The following MAP6 variants were observed in gnomAD, a reference collection of about 807,000 sequenced individuals.
MAP6 encodes the protein microtubule-associated protein 6.
A neutral mutation model predicts 42.4 loss-of-function variants in MAP6; 26 were observed. That is an observed-to-expected ratio of 0.61 (90% confidence interval 0.45 to 0.85). MAP6 has a LOEUF of 0.85. Ranked by LOEUF, MAP6 falls within the 40% of genes least tolerant of loss-of-function variation. The probability of loss-of-function intolerance (pLI) is 0.00; values close to 1 mark genes in which losing one functional copy is unlikely to be tolerated. For synonymous variants in MAP6, 418 were observed against 443.8 expected (o/e 0.94, Z 0.73); for missense variants, 966 against 1,099.0 (o/e 0.88, Z 1.71).
intron 1 of MAP6, among the ~76,000 whole-genome samples, chr11:75,656,722 A>G (rs1943755162): frequency 6.6e-6 from 1 of 152,006 alleles, no homozygotes; most frequent in Non-Finnish European, 1.5e-5. Flanking sequence ...TGTTGTCCTG[A>G]TCTTCTTTTC....
At chr11:75,603,560 G>A (rs1434264009) in intron 3 of MAP6, 7 of 973,272 alleles carry the variant, frequency 7.2e-6, no homozygotes, top group Non-Finnish European at 8.5e-6. Flanking sequence ...TAAAGCCTTG[G>A]GTGAGGGTAG....
intron 1 of MAP6, among the ~76,000 whole-genome samples, chr11:75,636,605 C>A (rs1943373362): frequency 6.6e-6 from 1 of 152,056 alleles, no homozygotes; most frequent in Admixed American, 6.6e-5. Context: ...ATATGCAAAC[C>A]AACCCAATAA....
chr11:75,663,151 T>A (rs891915044), intron 1 of MAP6, among the ~76,000 whole-genome samples: 2 of 151,822 alleles, frequency 1.3e-5, no homozygotes, highest in African/African-American at 4.8e-5. Flanking sequence ...TTAGTACAAT[T>A]TTTTGTATTT....
At chr11:75,630,008 G>C (rs935246076) in intron 1 of MAP6, among the ~76,000 whole-genome samples, 21 of 152,204 alleles carry the variant, frequency 1.4e-4, no homozygotes, top group Non-Finnish European at 2.9e-4. Flanking sequence ...AGAGAAGAAT[G>C]CTTGATAAAA....
intron 1 of MAP6, among the ~76,000 whole-genome samples, chr11:75,652,261 G>T (rs1050789491): frequency 1.2e-4 from 18 of 152,066 alleles, no homozygotes; most frequent in Non-Finnish European, 2.5e-4. Flanking sequence ...GCCCACCACT[G>T]GTCTAGACTA....
At chr11:75,645,251 T>C (rs1308605203) in intron 1 of MAP6, among the ~76,000 whole-genome samples, 2 of 151,014 alleles carry the variant, frequency 1.3e-5, no homozygotes, top group Admixed American at 1.3e-4. Flanking sequence ...CTGAAACTCA[T>C]GCATGAAGCA....
At chr11:75,608,016 G>A in intron 2 of MAP6, 93 bp downstream of exon 2, 1 of 1,258,816 alleles carries the variant, frequency 7.9e-7, no homozygotes, top group Non-Finnish European at 1.1e-6. Context: ...GTGGAGGCTG[G>A]GCCAGATTTG....
At chr11:75,652,744 C>T (rs1457893542) in intron 1 of MAP6, among the ~76,000 whole-genome samples, 1 of 150,410 alleles carries the variant, frequency 6.6e-6, no homozygotes, top group Admixed American at 6.7e-5. Flanking sequence ...GAGGGTGAGG[C>T]AGGAGGATCG....
chr11:75,632,156 T>G (rs1366470348), intron 1 of MAP6, among the ~76,000 whole-genome samples: 3 of 152,198 alleles, frequency 2.0e-5, no homozygotes, highest in Non-Finnish European at 4.4e-5. Context: ...TAATCCTCAC[T>G]TCAACCCTAT....
chr11:75,649,165 AT>A (rs1261091044), intron 1 of MAP6, among the ~76,000 whole-genome samples: 2 of 152,142 alleles, frequency 1.3e-5, no homozygotes, highest in African/African-American at 4.8e-5. Flanking sequence ...AATAAATAAT[AT>A]GTGATATTGT....
At chr11:75,637,775 G>T (rs1943391695) in intron 1 of MAP6, among the ~76,000 whole-genome samples, 1 of 149,346 alleles carries the variant, frequency 6.7e-6, no homozygotes, top group African/African-American at 2.5e-5. Flanking sequence ...TGTTTCTTAA[G>T]GAAGGAAGAA....
chr11:75,625,490 C>A (rs1943179632), intron 1 of MAP6, among the ~76,000 whole-genome samples: 1 of 152,102 alleles, frequency 6.6e-6, no homozygotes. Context: ...CACAAACATG[C>A]CCTCAATCCC....
intron 2 of MAP6, chr11:75,607,373 G>T (rs1419890523): frequency 3.0e-6 from 3 of 985,280 alleles, no homozygotes; most frequent in Non-Finnish European, 3.6e-6. Context: ...ATTCCATGGG[G>T]CCTGACATCA....
In MAP6 at chr11:75,667,221, C is replaced by T. The variant is rs1943962530; in HGVS notation, c.905+244G>A. ...GAGGTGGGAGGGATGGAGAAAAGGG[C>T]TACAGCGGTAAAGTGAAAGAGCCAG... is the stretch of plus-strand genomic sequence containing the variant. On this transcript the variant is annotated intron_variant, in intron 1 of 3. Coordinates refer to ENST00000304771, the MANE Select transcript of MAP6 (RefSeq NM_033063.2). This position sits in a 1 kb window ranked among gnomAD's most constrained non-coding sequence, Gnocchi z 5.6. Among the ~76,000 whole-genome samples, 1 of 152,122 alleles carries T rather than the reference C, an allele frequency of 6.6e-6. No homozygotes were observed. Among genetic ancestry groups the T allele is most frequent in the East Asian group, 1.9e-4 (1 of 5,198 alleles).
At chr11:75,639,925 T>G (rs747248384) in intron 1 of MAP6, among the ~76,000 whole-genome samples, 9 of 152,278 alleles carry the variant, frequency 5.9e-5, no homozygotes, top group Non-Finnish European at 1.2e-4. Context: ...TGCCCCACCA[T>G]GGCTCTCACA....
chr11:75,615,303 G>A (rs1942977455), intron 1 of MAP6, among the ~76,000 whole-genome samples: 1 of 152,280 alleles, frequency 6.6e-6, no homozygotes, highest in South Asian at 2.1e-4. Context: ...TTTACATACG[G>A]CCTACTCATA....
At chr11:75,602,163 C>A (rs1201147559) in intron 3 of MAP6, among the ~76,000 whole-genome samples, 1 of 152,144 alleles carries the variant, frequency 6.6e-6, no homozygotes, top group African/African-American at 2.4e-5. Flanking sequence ...ACCCAGCCCC[C>A]CAGTTTTCCA....
chr11:75,589,184 T>G (rs1018489842), intron 3 of MAP6, among the ~76,000 whole-genome samples: 5 of 152,180 alleles, frequency 3.3e-5, no homozygotes, highest in African/African-American at 1.2e-4. Flanking sequence ...TATTTCCCTA[T>G]AGCCAAGAGT....
intron 1 of MAP6, among the ~76,000 whole-genome samples, chr11:75,646,311 G>A (rs1185777389): frequency 6.6e-5 from 10 of 152,022 alleles, no homozygotes; most frequent in Non-Finnish European, 2.9e-5. Context: ...GCAGGAGAGT[G>A]AGATAAAGAT....
Sources: allele counts gnomAD v4.1 joint callset (sites outside exome capture counted in the v4.1 genomes callset), GRCh38; gene constraint gnomAD v4.1.1; non-coding constraint Gnocchi (gnomAD v3.1); transcripts MANE v1.5; gene names NCBI Gene and HGNC (gene_info 2026-07-23, HGNC 2026-07-21).